Variants in FMNL2 observed in about 807,000 individuals in gnomAD.
FMNL2 encodes formin-like protein 2.
FMNL2 carries 51 observed loss-of-function variants against 130.2 expected under a neutral mutation model. That is an observed-to-expected ratio of 0.39 (90% CI 0.31 to 0.49). The LOEUF (loss-of-function observed/expected upper bound fraction) is 0.49. Ranked by LOEUF, FMNL2 falls within the 20% of genes least tolerant of loss-of-function variation. FMNL2 has a pLI of 0.85. For synonymous variants in FMNL2, 465 were observed against 467.1 expected (o/e 1.00, Z 0.06); for missense variants, 977 against 1,316.2 (o/e 0.74, Z 3.99).
At chr2:152,602,686 T>C (rs1052021687) in intron 9 of FMNL2, among the ~76,000 whole-genome samples, 6 of 152,228 alleles carry the variant, frequency 3.9e-5, no homozygotes, top group Admixed American at 3.3e-4. Flanking sequence ...TATCTGGCCT[T>C]TGTGGGCAGA....
chr2:152,632,285 T>G (rs748348115), intron 21 of FMNL2, 148 bp downstream of exon 21: 22 of 1,055,226 alleles, frequency 2.1e-5, no homozygotes, highest in Non-Finnish European at 3.0e-5. Flanking sequence ...ACATCGGCCG[T>G]GGTGTTGTCC....
intron 21 of FMNL2, among the ~76,000 whole-genome samples, chr2:152,634,295 T>TGG (rs1682396968): frequency 6.6e-6 from 1 of 152,118 alleles, no homozygotes; most frequent in African/African-American, 2.4e-5. Context: ...TAGCTGGGCA[T>TGG]GGTGGCACAT....
chr2:152,379,299 A>G (rs1177441005), intron 1 of FMNL2, among the ~76,000 whole-genome samples: 1 of 152,204 alleles, frequency 6.6e-6, no homozygotes, highest in African/African-American at 2.4e-5. Context: ...TTTATTGGCC[A>G]CCTCATCATG....
intron 1 of FMNL2, among the ~76,000 whole-genome samples, chr2:152,367,079 T>TG (rs1683600782): frequency 6.6e-6 from 1 of 150,508 alleles, no homozygotes; most frequent in Non-Finnish European, 1.5e-5. Context: ...GTGTGTTTGT[T>TG]TTTTTTTTTT....
In FMNL2 at chr2:152,340,321, A is replaced by C. The variant is rs189385516; in HGVS notation, c.117+4601A>C. 3.3e-3 allele frequency among the ~76,000 whole-genome samples: 502 copies of C among 152,328 alleles called. 4 individuals are homozygous for C. The highest frequency in any genetic ancestry group is 0.012 in the African/African-American group (486 of 41,574). ...TATATTATGCTTCCATAGGCTTAGAACTGGGAAGAAAAAAAGGGCCTGCGA... is the reference window on the plus strand; with the variant it reads ...TATATTATGCTTCCATAGGCTTAGACCTGGGAAGAAAAAAAGGGCCTGCGA... On this transcript the variant is annotated intron_variant, in intron 1 of 25. Coordinates refer to ENST00000288670, the MANE Select transcript of FMNL2 (RefSeq NM_052905.4).
chr2:152,628,411 G>A lies in FMNL2; in HGVS notation c.2278G>A (p.Glu760Lys). ...CTACGAGCGGGAAAGGAAGCCTCTGGAAAACTTGTCAGATGAAGATCGGTT... is the reference window on the plus strand; with the variant it reads ...CTACGAGCGGGAAAGGAAGCCTCTGAAAAACTTGTCAGATGAAGATCGGTT... ...RLYERERKPLENLSDEDRFMM... is the reference protein window; with the variant it reads ...RLYERERKPLKNLSDEDRFMM... Residue 760 changes from glutamate to lysine, a missense_variant, in exon 18 of 26, where the codon GAA becomes AAA. Physicochemically the swap from Glu to Lys is moderately conservative, Grantham distance 56. Coordinates refer to ENST00000288670, the MANE Select transcript of FMNL2 (RefSeq NM_052905.4). 1 of 1,614,030 alleles carries A rather than the reference G, an allele frequency of 6.2e-7. No individual in the cohort carries two copies. Among genetic ancestry groups the A allele is most frequent in the Non-Finnish European group, 8.5e-7 (1 of 1,179,894 alleles).
chr2:152,375,065 A>G (rs570040555), intron 1 of FMNL2, among the ~76,000 whole-genome samples: 1 of 152,370 alleles, frequency 6.6e-6, no homozygotes, highest in Admixed American at 6.5e-5. Flanking sequence ...ACATACATGT[A>G]TATTTCACAT....
chr2:152,391,389 T>C (rs1343184294), intron 1 of FMNL2, among the ~76,000 whole-genome samples: 2 of 152,192 alleles, frequency 1.3e-5, no homozygotes, highest in Non-Finnish European at 2.9e-5. Flanking sequence ...ACTGAGTAAG[T>C]AAAGCATAAC....
rs749726414 is a variant in FMNL2, at chr2:152,479,718, G to GTTTTTT, written c.118-42207_118-42202dup. Among the ~76,000 whole-genome samples, 5 of 96,732 alleles carry GTTTTTT rather than the reference G, an allele frequency of 5.2e-5. 1 individual carries two copies. Among genetic ancestry groups the GTTTTTT allele is most frequent in the African/African-American group, 7.4e-5 (2 of 27,038 alleles). 63.5% of individuals were successfully genotyped at this position (96,732 alleles called of 152,430 possible). A position where few individuals can be genotyped will look rare whatever the true frequency, so the allele number is the denominator to read the frequency against. On this transcript the variant is annotated intron_variant, in intron 1 of 25. Coordinates refer to ENST00000288670, the MANE Select transcript of FMNL2 (RefSeq NM_052905.4). The stretch of plus-strand genomic sequence containing the variant: ...GATGGATTCATGGATGTTGTGGGTT[G>GTTTTTT]TTTTTTTTTTTTTTTTTTTTTTTAC...
intron 1 of FMNL2, among the ~76,000 whole-genome samples, chr2:152,476,507 T>C (rs1259626240): frequency 6.6e-6 from 1 of 152,006 alleles, no homozygotes; most frequent in Non-Finnish European, 1.5e-5. Context: ...CCTGTCTCTA[T>C]TTAAAAAATG....
At chr2:152,393,851 G>A (rs1387813435) in intron 1 of FMNL2, among the ~76,000 whole-genome samples, 1 of 152,204 alleles carries the variant, frequency 6.6e-6, no homozygotes, top group Non-Finnish European at 1.5e-5. Flanking sequence ...TTAGACAATA[G>A]GCAACTAATG....
At chr2:152,502,071 G>C (rs982989261) in intron 1 of FMNL2, among the ~76,000 whole-genome samples, 8 of 152,134 alleles carry the variant, frequency 5.3e-5, no homozygotes, top group African/African-American at 1.7e-4. Context: ...CTTGTTCTTC[G>C]TGCGAGTCTA....
At chr2:152,355,229 A>G (rs186708228) in intron 1 of FMNL2, among the ~76,000 whole-genome samples, 26 of 152,336 alleles carry the variant, frequency 1.7e-4, no homozygotes, top group Admixed American at 3.3e-4. Flanking sequence ...AAAAGTGAAC[A>G]AAGAGGAGAA....
chr2:152,465,765 ACTTAT>A (rs1386776600), intron 1 of FMNL2, among the ~76,000 whole-genome samples: 2 of 152,154 alleles, frequency 1.3e-5, no homozygotes, highest in Non-Finnish European at 2.9e-5. Flanking sequence ...ATGTCAACAC[ACTTAT>A]CTTAGCACTT....
chr2:152,415,479 T>TG (rs1686559229), intron 1 of FMNL2, among the ~76,000 whole-genome samples: 1 of 152,238 alleles, frequency 6.6e-6, no homozygotes, highest in Admixed American at 6.5e-5. Context: ...TTGAAAACGG[T>TG]GACTCACTCT....
chr2:152,399,460 T>C (rs1685569776), intron 1 of FMNL2, among the ~76,000 whole-genome samples: 1 of 152,072 alleles, frequency 6.6e-6, no homozygotes, highest in Non-Finnish European at 1.5e-5. Flanking sequence ...CTTCATAGTA[T>C]TGAAAGGAAG....
At chr2:152,398,257 T>C (rs1195490311) in intron 1 of FMNL2, among the ~76,000 whole-genome samples, 1 of 152,208 alleles carries the variant, frequency 6.6e-6, no homozygotes, top group East Asian at 1.9e-4. Flanking sequence ...TTCCATATTA[T>C]GGAGGTAGTG....
rs1335231094 is a variant in FMNL2, at chr2:152,649,765, T to A, written c.*1860T>A. The A allele has an allele frequency of 6.6e-6, 1 of 152,656 alleles. No individual in the cohort carries two copies. The highest frequency in any genetic ancestry group is 1.5e-5 in the Non-Finnish European group (1 of 68,042). 9.5% of individuals were successfully genotyped at this position (152,656 alleles called of 1,614,324 possible). The stretch of plus-strand genomic sequence containing the variant: ...TATTAGAATGTTTTATAAAAGCAAT[T>A]CATGTTACTTTTCTGGTCTTTTCAT... On this transcript the variant is annotated 3_prime_UTR_variant, in exon 26 of 26. Transcript: ENST00000288670.
chr2:152,637,447 G>C, intron 22 of FMNL2, 126 bp from the exon 23 acceptor site: 1 of 699,328 alleles, frequency 1.4e-6, no homozygotes, highest in Non-Finnish European at 2.5e-6. Context: ...AGGTAAGGGA[G>C]GTGCAGCAAC....
Sources: gnomAD v4.1 joint callset for allele counts (sites outside exome capture counted in the v4.1 genomes callset) on GRCh38, gnomAD v4.1.1 for gene constraint, MANE v1.5 for transcripts, NCBI Gene and HGNC (gene_info 2026-07-23, HGNC 2026-07-21) for gene names.